Variants in LRRIQ1 observed in about 807,000 individuals in gnomAD.
LRRIQ1 encodes the protein leucine rich repeats and IQ motif containing 1.
LRRIQ1 carries 210 observed loss-of-function variants against 211.9 expected under a neutral mutation model. That is an observed-to-expected ratio of 0.99 (90% CI 0.89 to 1.11). LRRIQ1 has a LOEUF of 1.11. Among genes scored for constraint, LRRIQ1 ranks in the 50% most tolerant of loss-of-function variants. LRRIQ1 has a pLI of 0.00. For synonymous variants in LRRIQ1, 699 were observed against 650.1 expected, an observed-to-expected ratio of 1.08 and a Z score of -1.14; for missense variants, 2,136 against 1,939.5, an observed-to-expected ratio of 1.10 and a Z score of -1.90.
intron 24 of LRRIQ1, among the ~76,000 whole-genome samples, chr12:85,195,471 C>A (rs1892851355): frequency 6.6e-6 from 1 of 151,946 alleles, no homozygotes; most frequent in Non-Finnish European, 1.5e-5. Flanking sequence ...AAAAGCTTAT[C>A]CACCATGATC....
chr12:85,257,051 T>TA (rs1163665112), intron 1 of LRRIQ1, among the ~76,000 whole-genome samples: 1 of 114,096 alleles, frequency 8.8e-6, no homozygotes, highest in African/African-American at 3.3e-5. Flanking sequence ...TATAATTATA[T>TA]ATATAATTAT....
chr12:85,189,721 T>C (rs1892397170), intron 24 of LRRIQ1, among the ~76,000 whole-genome samples: 1 of 149,456 alleles, frequency 6.7e-6, no homozygotes. Context: ...CTAGATAAAA[T>C]AAGGAATTGA....
intron 14 of LRRIQ1, among the ~76,000 whole-genome samples, chr12:85,104,535 T>C (rs1432658012): frequency 6.6e-6 from 1 of 152,016 alleles, no homozygotes; most frequent in Non-Finnish European, 1.5e-5. Context: ...TTTGTCTTTA[T>C]ATTAATTGGA....
chr12:85,154,170 A>T (rs1890411765), intron 23 of LRRIQ1, 76 bp downstream of exon 23: 2 of 733,958 alleles, frequency 2.7e-6, no homozygotes, highest in Admixed American at 7.2e-5. Flanking sequence ...ATATTTTATA[A>T]ATTATGTTTA....
At chr12:85,063,865 T>C (rs1378546204) in intron 8 of LRRIQ1, among the ~76,000 whole-genome samples, 2 of 151,756 alleles carry the variant, frequency 1.3e-5, no homozygotes, top group Admixed American at 6.6e-5. Flanking sequence ...AATGGCAGGA[T>C]CTCATTGTTT....
At chr12:85,261,608 T>C (rs1896289704) in intron 1 of LRRIQ1, among the ~76,000 whole-genome samples, 1 of 151,926 alleles carries the variant, frequency 6.6e-6, no homozygotes, top group African/African-American at 2.4e-5. Flanking sequence ...TGGAGAATCA[T>C]GTAGTTTCAA....
intron 26 of LRRIQ1, among the ~76,000 whole-genome samples, chr12:85,243,500 A>T (rs956882277): frequency 2.0e-5 from 3 of 150,882 alleles, no homozygotes; most frequent in Admixed American, 6.7e-5. Flanking sequence ...AATGATTGAC[A>T]TTATACAATG....
chr12:85,051,158 G>A (rs1880260758), intron 6 of LRRIQ1, among the ~76,000 whole-genome samples: 1 of 151,756 alleles, frequency 6.6e-6, no homozygotes. Flanking sequence ...GTTAAAAGGA[G>A]CCTAGCACTT....
chr12:85,211,729 A>C (rs567411043), intron 24 of LRRIQ1, among the ~76,000 whole-genome samples: 1 of 152,282 alleles, frequency 6.6e-6, no homozygotes, highest in Non-Finnish European at 1.5e-5. Context: ...TAAAATGGTA[A>C]TAGTCACTTT....
downstream of LRRIQ1, among the ~76,000 whole-genome samples, chr12:85,247,441 T>C (rs753887790): frequency 1.3e-5 from 2 of 151,620 alleles, no homozygotes; most frequent in African/African-American, 4.8e-5. Flanking sequence ...ATATTTCTCT[T>C]TTAGTGTTGT....
intron 18 of LRRIQ1, among the ~76,000 whole-genome samples, chr12:85,135,910 T>C (rs1486853592): frequency 1.3e-5 from 2 of 151,958 alleles, no homozygotes; most frequent in African/African-American, 2.4e-5. Flanking sequence ...ATTTTAGAAA[T>C]ACTTGTTTCT....
At chr12:85,137,075 C>T (rs923580908) in intron 18 of LRRIQ1, among the ~76,000 whole-genome samples, 56 of 151,084 alleles carry the variant, frequency 3.7e-4, no homozygotes, top group Non-Finnish European at 5.9e-4. Flanking sequence ...TTTTATAATT[C>T]GAGCTTTTTA....
intron 25 of LRRIQ1, among the ~76,000 whole-genome samples, chr12:85,230,901 T>C (rs989767997): frequency 7.9e-5 from 12 of 151,834 alleles, no homozygotes; most frequent in African/African-American, 2.4e-4. Flanking sequence ...TACAACAAAT[T>C]AGCCGGGCGC....
intron 24 of LRRIQ1, among the ~76,000 whole-genome samples, chr12:85,162,587 C>A (rs1053763215): frequency 6.6e-6 from 1 of 152,070 alleles, no homozygotes; most frequent in Non-Finnish European, 1.5e-5. Flanking sequence ...GCTACATTAC[C>A]ATCTAGAATA....
intron 26 of LRRIQ1, among the ~76,000 whole-genome samples, chr12:85,237,402 G>T (rs941392501): frequency 4.6e-5 from 7 of 152,048 alleles, no homozygotes; most frequent in African/African-American, 1.7e-4. Context: ...GTTCAGAGTT[G>T]CTGAGATAAA....
At position 85,072,897 on chromosome 12, in the gene LRRIQ1, T is replaced by A; in HGVS notation, c.2696-10T>A. ...TATATATTTGGTCTTAATTCTGTCA[T>A]CCTACTCAGGATATTCCTTCTTTCT... is the stretch of plus-strand genomic sequence containing the variant. On this transcript the variant is annotated splice_polypyrimidine_tract_variant and intron_variant, in intron 10 of 26. Transcript: ENST00000393217. 6.3e-7 allele frequency: 1 copy of A among 1,597,140 alleles called. No homozygotes were observed. The highest frequency in any genetic ancestry group is 8.5e-7 in the Non-Finnish European group (1 of 1,171,372).
At chr12:85,097,028 T>C (rs1885936887) in intron 11 of LRRIQ1, among the ~76,000 whole-genome samples, 1 of 152,260 alleles carries the variant, frequency 6.6e-6, no homozygotes, top group African/African-American at 2.4e-5. Context: ...CATGAACCCT[T>C]TACTTTGAGC....
intron 11 of LRRIQ1, among the ~76,000 whole-genome samples, chr12:85,080,135 T>A (rs1884120520): frequency 6.6e-6 from 1 of 152,080 alleles, no homozygotes; most frequent in South Asian, 2.1e-4. Context: ...GACTTACCAT[T>A]TGTATTGCAA....
At chr12:85,235,525 A>G (rs1369683730) in intron 26 of LRRIQ1, among the ~76,000 whole-genome samples, 1 of 152,162 alleles carries the variant, frequency 6.6e-6, no homozygotes, top group Non-Finnish European at 1.5e-5. Context: ...AGGCAAGAGG[A>G]CTAGGCGTTA....
Sources: gnomAD v4.1 joint callset for allele counts (sites outside exome capture counted in the v4.1 genomes callset) on GRCh38, gnomAD v4.1.1 for gene constraint, MANE v1.5 for transcripts, NCBI Gene and HGNC (gene_info 2026-07-23, HGNC 2026-07-21) for gene names.